ATP5PD: variants seen among roughly 807,000 people sequenced by gnomAD.
ATP5PD encodes the protein ATP synthase peripheral stalk subunit d, also known as ATP synthase peripheral stalk subunit d, mitochondrial.
A neutral mutation model predicts 22.6 loss-of-function variants in ATP5PD; 13 were observed. That is an observed-to-expected ratio of 0.58 (90% CI 0.37 to 0.91). The LOEUF (loss-of-function observed/expected upper bound fraction) is 0.91, where lower values mean the gene tolerates loss of function less well. ATP5PD is among the 40% of genes least tolerant of loss of function. The probability of loss-of-function intolerance (pLI) is 0.00; values close to 1 mark genes in which losing one functional copy is unlikely to be tolerated. For synonymous variants in ATP5PD, 51 were observed against 65.0 expected (o/e 0.79, Z 1.03); for missense variants, 165 against 188.0 (o/e 0.88, Z 0.72).
At chr17:75,042,489 C>T in intron 2 of ATP5PD, 40 bp downstream of exon 2, 1 of 1,595,298 alleles carries the variant, frequency 6.3e-7, no homozygotes, top group Non-Finnish European at 8.5e-7. Context: ...TTTCTAGATT[C>T]AGTGGCAAGT....
chr17:75,044,751 A>T (rs2144917101), intron 1 of ATP5PD, among the ~76,000 whole-genome samples: 1 of 152,366 alleles, frequency 6.6e-6, no homozygotes, highest in South Asian at 2.1e-4. Context: ...CTCTTTAAGT[A>T]AGATCAGGGT....
At position 75,046,926 on chromosome 17, in the gene ATP5PD, T is replaced by G. The variant is rs2073226546; in HGVS notation, c.-11A>C. On this transcript the variant is annotated splice_region_variant and 5_prime_UTR_variant, in exon 1 of 6. Coordinates refer to ENST00000301587, the MANE Select transcript of ATP5PD (RefSeq NM_006356.3). The stretch of plus-strand genomic sequence containing the variant: ...TCCAATGCCCCAAGCCCCACTCACC[T>G]TCACCGACCCTGGCTGCCCACGGTC... 1 of 157,794 alleles carries G rather than the reference T, an allele frequency of 6.3e-6. No individual in the cohort carries two copies. The highest frequency in any genetic ancestry group is 1.4e-5 in the Non-Finnish European group (1 of 71,776). 9.8% of individuals were successfully genotyped at this position (157,794 alleles called of 1,614,324 possible). A position where few individuals can be genotyped will look rare whatever the true frequency, so the allele number is the denominator to read the frequency against.
chr17:75,042,697 G>C (rs1199335814), intron 1 of ATP5PD, 38 bp from the exon 2 acceptor site: 1 of 1,575,706 alleles, frequency 6.3e-7, no homozygotes. Flanking sequence ...GCTTTTTTAT[G>C]AGGTGAATTT....
intron 3 of ATP5PD, 111 bp from the exon 4 acceptor site, chr17:75,040,274 T>TA: frequency 8.0e-7 from 1 of 1,253,952 alleles, no homozygotes; most frequent in Non-Finnish European, 1.2e-6. Flanking sequence ...TACGAATCCT[T>TA]AAAGGTCATA....
Position 75,039,067 on chromosome 17 carries a change from G to T in ATP5PD, c.355-4C>A, listed in dbSNP as rs767027713. On this transcript the variant is annotated splice_region_variant and splice_polypyrimidine_tract_variant and intron_variant, in intron 5 of 5. Transcript: ENST00000301587. ...TTAAGTTCTTCATCTTCTCCATCTG[G>T]AAAGAGGGGGAATGTGTTTAGTTAA... The T allele has an allele frequency of 6.2e-7, 1 of 1,613,852 alleles. No individual in the cohort carries two copies. Among genetic ancestry groups the T allele is most frequent in the Non-Finnish European group, 8.5e-7 (1 of 1,179,912 alleles).
chr17:75,043,123 A>C (rs1323167297), intron 1 of ATP5PD, among the ~76,000 whole-genome samples: 1 of 151,506 alleles, frequency 6.6e-6, no homozygotes, highest in Non-Finnish European at 1.5e-5. Flanking sequence ...CCAGAGGCTG[A>C]GGCATAAGAA....
intron 1 of ATP5PD, 48 bp from the exon 2 acceptor site, chr17:75,042,707 T>C: frequency 6.5e-7 from 1 of 1,549,638 alleles, no homozygotes; most frequent in Non-Finnish European, 8.7e-7. Context: ...GAGGTGAATT[T>C]TCAGTTGGGA....
chr17:75,040,037 G>GA, intron 4 of ATP5PD, 55 bp downstream of exon 4: 1 of 1,576,804 alleles, frequency 6.3e-7, no homozygotes, highest in Non-Finnish European at 8.7e-7. Context: ...AGCTATAATA[G>GA]AGAGCTGTCA....
At chr17:75,039,769 T>C (rs2073138997) in intron 4 of ATP5PD, 2 of 334,076 alleles carry the variant, frequency 6.0e-6, no homozygotes, top group South Asian at 9.8e-5. Context: ...AAGAACACCA[T>C]TTGATAAGTT....
rs1395089254 is a variant in ATP5PD, at chr17:75,042,557, T to G, written c.94A>C (p.Lys32Gln). The change falls in exon 2 of 6, where the codon AAA (lysine) becomes CAA (glutamine). Residue 32 changes from lysine (K) to glutamine (Q), a missense_variant. Physicochemically the swap from Lys to Gln is moderately conservative, Grantham distance 53 (BLOSUM62 1). Coordinates refer to ENST00000301587, the MANE Select transcript of ATP5PD (RefSeq NM_006356.3). Reference sequence around the variant, plus strand: ...GAGGTGAGGGTCTCATTCCAGGATTTCAGGGAACTAGCAATGGCCTTTTGG... The same window carrying G: ...GAGGTGAGGGTCTCATTCCAGGATTGCAGGGAACTAGCAATGGCCTTTTGG... ...QNQKAIASSL[K>Q]SWNETLTSRL... The G allele has an allele frequency of 1.9e-6, 3 of 1,612,504 alleles. No individual in the cohort carries two copies. Among genetic ancestry groups the G allele is most frequent in the Non-Finnish European group, 2.5e-6 (3 of 1,179,900 alleles).
intron 3 of ATP5PD, 66 bp from the exon 4 acceptor site, chr17:75,040,229 C>T (rs867359664): frequency 2.3e-5 from 36 of 1,588,400 alleles, no homozygotes; most frequent in Middle Eastern, 2.3e-4. Flanking sequence ...AGTGAGTCGT[C>T]GCCAATACAC....
chr17:75,044,067 C>G (rs535108367), intron 1 of ATP5PD, among the ~76,000 whole-genome samples: 84 of 150,758 alleles, frequency 5.6e-4, no homozygotes, highest in African/African-American at 1.9e-3. Context: ...CTCTGTCCCC[C>G]GGGCTGGAGT....
In ATP5PD at chr17:75,042,620, T is replaced by C; in HGVS notation, c.31A>G (p.Ile11Val). The change falls in exon 2 of 6, where the codon ATT (isoleucine) becomes GTT (valine). Residue 11 changes from isoleucine to valine, a missense_variant. Transcript: ENST00000301587. MAGRKLALKT[I>V]DWVAFAEIIP... ...ATCTCTGCAAAAGCTACCCAGTCAA[T>C]GGTTTTTAGAGCAAGTTTTCGCCCA... The C allele has an allele frequency of 6.2e-7, 1 of 1,612,096 alleles. No individual in the cohort carries two copies. The highest frequency in any genetic ancestry group is 8.5e-7 in the Non-Finnish European group (1 of 1,179,456).
chr17:75,042,939 G>A (rs972207203), intron 1 of ATP5PD, among the ~76,000 whole-genome samples: 3 of 151,950 alleles, frequency 2.0e-5, no homozygotes, highest in Non-Finnish European at 4.4e-5. Context: ...CAAGGTGTGC[G>A]GCCAGGCGCA....
At chr17:75,041,469 C>T (rs1230547880) in intron 3 of ATP5PD, 2 of 119,648 alleles carry the variant, frequency 1.7e-5, no homozygotes, top group South Asian at 2.6e-4. Flanking sequence ...AAAAACAAAA[C>T]GAAAATTTAT....
intron 1 of ATP5PD, among the ~76,000 whole-genome samples, chr17:75,042,937 G>A (rs1199942422): frequency 2.6e-5 from 4 of 151,860 alleles, no homozygotes; most frequent in African/African-American, 4.8e-5. Flanking sequence ...TTCAAGGTGT[G>A]CGGCCAGGCG....
At position 75,038,970 on chromosome 17, in the gene ATP5PD, AC is replaced by A. The variant is rs1443040167; in HGVS notation, c.447del (p.Lys149AsnfsTer?). 4.3e-6 allele frequency: 7 copies of A among 1,614,072 alleles called. No individual in the cohort carries two copies. Among genetic ancestry groups the A allele is most frequent in the African/African-American group, 1.3e-5 (1 of 74,944 alleles). On this transcript the variant is annotated frameshift_variant, in exon 6 of 6. Coordinates refer to ENST00000301587, the MANE Select transcript of ATP5PD (RefSeq NM_006356.3). LOFTEE classifies it high-confidence loss of function. Reference protein sequence around the residue: ...AFPETKLDKKKYPYWPHQPIE... With the variant: ...AFPETKLDKKXYPYWPHQPIE... ...ATTGGTTGGTGAGGCCAATAGGGAT[AC>A]TTTTTCTTGTCTAATTTGGTTTCTG... is the stretch of plus-strand genomic sequence containing the variant.
In ATP5PD at chr17:75,044,368, G is replaced by C. The variant is rs757474225; in HGVS notation, c.-9-1709C>G. On this transcript the variant is annotated intron_variant, in intron 1 of 5. Coordinates refer to ENST00000301587, the MANE Select transcript of ATP5PD (RefSeq NM_006356.3). ...CTACAGGCGCCCGCCACCGCGCCCG[G>C]CTAATTTTTTGTATTTTTAGTAGAG... 1.1e-4 allele frequency among the ~76,000 whole-genome samples: 13 copies of C among 114,394 alleles called. 4 individuals are homozygous for C. The highest frequency in any genetic ancestry group is 2.6e-4 in the African/African-American group (4 of 15,190). 75.0% of individuals were successfully genotyped at this position (114,394 alleles called of 152,430 possible).
At position 75,044,045 on chromosome 17, in the gene ATP5PD, G is replaced by A. The variant is rs2073187276; in HGVS notation, c.-9-1386C>T. 2.2e-5 allele frequency among the ~76,000 whole-genome samples: 3 copies of A among 136,688 alleles called. No individual in the cohort carries two copies. The Admixed American group carries it at 2.2e-4, about 10-fold the overall frequency. The allele number at this position is 136,688 out of a possible 152,430, so 89.7% of individuals were successfully genotyped here. ...GCACTTTTTTTTTTTTTTTTTTTGA[G>A]ATGGAGTTTCACTCTGTCCCCCGGG... On this transcript the variant is annotated intron_variant, in intron 1 of 5. Transcript: ENST00000301587.
Sources: allele counts gnomAD v4.1 joint callset (sites outside exome capture counted in the v4.1 genomes callset), GRCh38; gene constraint gnomAD v4.1.1; transcripts MANE v1.5; gene names NCBI Gene and HGNC (gene_info 2026-07-23, HGNC 2026-07-21).